DACH2: variants seen among roughly 807,000 people sequenced by gnomAD.
DACH2 encodes the protein dachshund family transcription factor 2, also known as dachshund homolog 2.
DACH2 carries 17 observed loss-of-function variants against 35.8 expected under a neutral mutation model. The observed-to-expected ratio is 0.48, with a 90% confidence interval of 0.33 to 0.71. The LOEUF (loss-of-function observed/expected upper bound fraction) is 0.71, where lower values mean the gene tolerates loss of function less well. Ranked by LOEUF, DACH2 falls within the 30% of genes least tolerant of loss-of-function variation. The pLI, the probability that DACH2 is intolerant of heterozygous loss-of-function variation, is 0.02. For missense variants in DACH2, 469 were observed against 472.7 expected (o/e 0.99, Z 0.07); for synonymous variants, 195 against 177.3 (o/e 1.10, Z -0.79).
intron 1 of DACH2, among the ~76,000 whole-genome samples, chrX:86,287,270 T>C (rs992576327): frequency 8.9e-6 from 1 of 112,109 alleles, no homozygotes; most frequent in Non-Finnish European, 1.9e-5. Context: ...TGGAGATCCA[T>C]TGTATGTTAT....
Position 86,497,414 on chromosome X carries a change from A to G in DACH2, c.528-16865A>G, listed in dbSNP as rs762790818. Among the ~76,000 whole-genome samples, 3 of 112,017 alleles carry G rather than the reference A, an allele frequency of 2.7e-5. No individual in the cohort carries two copies. The South Asian group carries it at 1.1e-3, about 42-fold the overall frequency. ...CTGGAGAACTAAATGGCACAGTATC[A>G]TGGGCATAATGAAGAAAAGGACTTT... On this transcript the variant is annotated intron_variant, in intron 2 of 11. Coordinates refer to ENST00000373125, the MANE Select transcript of DACH2 (RefSeq NM_053281.3).
At chrX:86,655,536 A>G (rs747270656) in intron 4 of DACH2, among the ~76,000 whole-genome samples, 1 of 112,240 alleles carries the variant, frequency 8.9e-6, no homozygotes, top group South Asian at 3.6e-4. Context: ...GTGGCTAGTG[A>G]CTATTTCTAA....
At chrX:86,595,132 T>A (rs1398612480) in intron 3 of DACH2, among the ~76,000 whole-genome samples, 1 of 111,339 alleles carries the variant, frequency 9.0e-6, no homozygotes, top group Non-Finnish European at 1.9e-5. Flanking sequence ...TTTTTTAATT[T>A]TTAGAGTCAG....
Position 86,803,193 on chromosome X carries a change from C to T in DACH2, c.1241-9663C>T, listed in dbSNP as rs186966923. Among the ~76,000 whole-genome samples the T allele has an allele frequency of 3.9e-3, 439 of 111,629 alleles. 3 individuals carry two copies. Among genetic ancestry groups the T allele is most frequent in the African/African-American group, 0.014 (416 of 30,729 alleles). ...TATAGAGTTACTCCAAAAAATCAGTCAGGTCTGCTTTATCTCTGATATAAC... is the reference window on the plus strand; with the variant it reads ...TATAGAGTTACTCCAAAAAATCAGTTAGGTCTGCTTTATCTCTGATATAAC... On this transcript the variant is annotated intron_variant, in intron 7 of 11. Transcript: ENST00000373125.
chrX:86,532,051 T>C, intron 3 of DACH2, among the ~76,000 whole-genome samples: 1 of 113,185 alleles, frequency 8.8e-6, no homozygotes, highest in Middle Eastern at 4.6e-3. Flanking sequence ...TGTGGCCCCT[T>C]TGTTTCAGGC....
chrX:86,476,523 T>C (rs944023490), intron 2 of DACH2, among the ~76,000 whole-genome samples: 2 of 111,789 alleles, frequency 1.8e-5, no homozygotes. Flanking sequence ...TTTTATTTAT[T>C]TGGATCTTGT....
intron 3 of DACH2, among the ~76,000 whole-genome samples, chrX:86,557,207 C>A (rs1355243463): frequency 9.0e-6 from 1 of 111,083 alleles, no homozygotes; most frequent in Non-Finnish European, 1.9e-5. Flanking sequence ...CTTTACTAAG[C>A]TTACTGATTC....
intron 4 of DACH2, among the ~76,000 whole-genome samples, chrX:86,683,100 G>A (rs1021029715): frequency 2.5e-4 from 27 of 110,064 alleles, no homozygotes; most frequent in Non-Finnish European, 4.7e-4. Flanking sequence ...TTTCTTTTTT[G>A]TGTCTTTCAT....
At chrX:86,397,572 C>A (rs1432070360) in intron 2 of DACH2, among the ~76,000 whole-genome samples, 2 of 111,480 alleles carry the variant, frequency 1.8e-5, no homozygotes, top group Non-Finnish European at 3.8e-5. Context: ...CCCATCAATA[C>A]CTAATTTACT....
intron 1 of DACH2, among the ~76,000 whole-genome samples, chrX:86,368,510 A>G (rs1310377622): frequency 1.8e-5 from 2 of 110,379 alleles, no homozygotes; most frequent in Non-Finnish European, 3.8e-5. Context: ...ATCAATTATA[A>G]GCATGTTTGA....
intron 2 of DACH2, among the ~76,000 whole-genome samples, chrX:86,478,887 G>T (rs2037891602): frequency 9.0e-6 from 1 of 111,243 alleles, no homozygotes; most frequent in African/African-American, 3.3e-5. Context: ...AGCTCAATTA[G>T]ATCCTCTGCC....
At chrX:86,407,908 T>C (rs1359862172) in intron 2 of DACH2, among the ~76,000 whole-genome samples, 1 of 112,178 alleles carries the variant, frequency 8.9e-6, no homozygotes, top group Non-Finnish European at 1.9e-5. Flanking sequence ...AGACCATCTA[T>C]GTGAAGAGGG....
At chrX:86,325,774 T>C (rs1288054714) in intron 1 of DACH2, among the ~76,000 whole-genome samples, 1 of 111,843 alleles carries the variant, frequency 8.9e-6, no homozygotes, top group Non-Finnish European at 1.9e-5. Context: ...ATTCTGTAAT[T>C]ATAACAAGGT....
intron 1 of DACH2, among the ~76,000 whole-genome samples, chrX:86,181,867 G>T (rs963803658): frequency 9.0e-6 from 1 of 111,561 alleles, no homozygotes; most frequent in East Asian, 2.8e-4. Flanking sequence ...ACTTTGTAAT[G>T]GTCACCATTC....
intron 1 of DACH2, among the ~76,000 whole-genome samples, chrX:86,243,285 A>T (rs944583527): frequency 9.0e-6 from 1 of 111,526 alleles, no homozygotes; most frequent in African/African-American, 3.3e-5. Context: ...AGTGAATAAA[A>T]TTTTTTTGGA....
At chrX:86,778,810 C>T (rs989415164) in intron 7 of DACH2, among the ~76,000 whole-genome samples, 2 of 111,078 alleles carry the variant, frequency 1.8e-5, no homozygotes, top group African/African-American at 6.6e-5. Flanking sequence ...GGGGTTTCAC[C>T]ATCTTGGCCA....
chrX:86,784,955 A>G (rs2042123050), intron 7 of DACH2, among the ~76,000 whole-genome samples: 1 of 111,063 alleles, frequency 9.0e-6, no homozygotes, highest in Non-Finnish European at 1.9e-5. Context: ...AGAAGGGAAC[A>G]GCAGACACCA....
At chrX:86,401,806 A>G (rs2036438821) in intron 2 of DACH2, among the ~76,000 whole-genome samples, 1 of 111,251 alleles carries the variant, frequency 9.0e-6, no homozygotes, top group Non-Finnish European at 1.9e-5. Flanking sequence ...AGTAAATTGA[A>G]TTTGGCAGCA....
At chrX:86,263,516 G>A (rs994876606) in intron 1 of DACH2, among the ~76,000 whole-genome samples, 1 of 111,385 alleles carries the variant, frequency 9.0e-6, no homozygotes, top group Non-Finnish European at 1.9e-5. Flanking sequence ...TGCAATTATT[G>A]TTTTTTCTTG....
Sources: gnomAD v4.1 joint callset for allele counts (sites outside exome capture counted in the v4.1 genomes callset) on GRCh38, gnomAD v4.1.1 for gene constraint, MANE v1.5 for transcripts, NCBI Gene and HGNC (gene_info 2026-07-23, HGNC 2026-07-21) for gene names.